The following IL1RAPL1 variants were observed in gnomAD, a reference collection of about 807,000 sequenced individuals.
The protein encoded by IL1RAPL1 is interleukin-1 receptor accessory protein-like 1.
A neutral mutation model predicts 48.4 loss-of-function variants in IL1RAPL1; 3 were observed. The ratio of observed to expected loss-of-function variants is 0.06; its 90% CI spans 0.03 to 0.16. IL1RAPL1 has a LOEUF of 0.16. Among genes scored for constraint, IL1RAPL1 ranks in the 10% least tolerant of loss-of-function variants. The pLI is 1.00. For missense variants in IL1RAPL1, 349 were observed against 530.6 expected (o/e 0.66, Z 3.36); for synonymous variants, 185 against 187.7 (o/e 0.99, Z 0.12).
rs1038074667 is a variant in IL1RAPL1, at chrX:28,741,946, G to T, written c.-24-47374G>T. Among the ~76,000 whole-genome samples the T allele has an allele frequency of 2.7e-5, 3 of 111,238 alleles. No homozygotes were observed. The Admixed American group carries it at 2.9e-4, about 11-fold the overall frequency. On this transcript the variant is annotated intron_variant, in intron 1 of 10. Transcript: ENST00000378993. ...TTTATATTTTTACTTCTTAAGCAGG[G>T]GATTTATATTTTTTGTTTCAAACTA... is the stretch of plus-strand genomic sequence containing the variant.
At chrX:29,614,472 G>A (rs745728192) in intron 5 of IL1RAPL1, among the ~76,000 whole-genome samples, 145 of 112,620 alleles carry the variant, frequency 1.3e-3, no homozygotes, top group Non-Finnish European at 2.2e-3. Context: ...ATAAAATGCT[G>A]TAAACTAACT....
At chrX:28,924,640 A>G in intron 2 of IL1RAPL1, among the ~76,000 whole-genome samples, 1 of 111,663 alleles carries the variant, frequency 9.0e-6, no homozygotes, top group East Asian at 2.8e-4. Context: ...TTCAAAGAAT[A>G]CATGCCGAAA....
intron 2 of IL1RAPL1, among the ~76,000 whole-genome samples, chrX:29,230,126 A>G (rs1185219818): frequency 8.9e-6 from 1 of 111,826 alleles, no homozygotes; most frequent in African/African-American, 3.3e-5. Context: ...GTTATTGGCT[A>G]TAATGTCTTT....
chrX:29,056,419 T>A (rs1203128772), intron 2 of IL1RAPL1, among the ~76,000 whole-genome samples: 2 of 111,589 alleles, frequency 1.8e-5, no homozygotes, highest in African/African-American at 6.5e-5. Flanking sequence ...ACCACAACAC[T>A]TCACATCAAT....
At chrX:29,916,938 A>G (rs1006356200) in intron 6 of IL1RAPL1, among the ~76,000 whole-genome samples, 4 of 111,955 alleles carry the variant, frequency 3.6e-5, no homozygotes, top group African/African-American at 9.7e-5. Context: ...TTTAATTCGA[A>G]TGTTATTCTC....
chrX:29,690,724 TTTAA>T (rs1926750003), intron 6 of IL1RAPL1, among the ~76,000 whole-genome samples: 1 of 112,352 alleles, frequency 8.9e-6, no homozygotes, highest in African/African-American at 3.2e-5. Context: ...TAAAATTTAC[TTTAA>T]TTGTTTTTAA....
intron 2 of IL1RAPL1, among the ~76,000 whole-genome samples, chrX:29,105,879 A>G (rs928927880): frequency 2.7e-5 from 3 of 111,664 alleles, no homozygotes; most frequent in Non-Finnish European, 5.6e-5. Context: ...GGGATCTTTC[A>G]CTTTCCACAC....
chrX:29,449,167 G>A (rs1198530769), intron 5 of IL1RAPL1, among the ~76,000 whole-genome samples: 3 of 111,689 alleles, frequency 2.7e-5, no homozygotes, highest in Non-Finnish European at 5.7e-5. Flanking sequence ...AGGAAACCGC[G>A]ATAGAGATAG....
rs1200903539 is a variant in IL1RAPL1 at position 29,917,558 on chromosome X, A to C, written c.873A>C (p.Glu291Asp). 8.3e-7 allele frequency: 1 copy of C among 1,209,017 alleles called. No homozygotes were observed. The highest frequency in any genetic ancestry group is 2.2e-5 in the Admixed American group (1 of 46,019). ...GGATGAAAGGAGAAAAATTTATTGA[A>C]GATCTGGATGAAAATCGAGTTTGGG... is the stretch of plus-strand genomic sequence containing the variant. ...IYWMKGEKFIEDLDENRVWES... is the reference protein window; with the variant it reads ...IYWMKGEKFIDDLDENRVWES... The change falls in exon 7 of 11, where the codon GAA becomes GAC. Residue 291 changes from glutamate (E) to aspartate (D), a missense_variant. Glu to Asp is a conservative substitution (Grantham distance 45). Transcript: ENST00000378993.
At chrX:28,905,609 T>C (rs746856485) in intron 2 of IL1RAPL1, among the ~76,000 whole-genome samples, 10 of 112,252 alleles carry the variant, frequency 8.9e-5, no homozygotes, top group Non-Finnish European at 1.5e-4. Context: ...TGAATTTGTA[T>C]TTCTTTAATA....
At chrX:29,494,594 T>C (rs1279085007) in intron 5 of IL1RAPL1, among the ~76,000 whole-genome samples, 3 of 112,216 alleles carry the variant, frequency 2.7e-5, no homozygotes, top group Admixed American at 9.4e-5. Flanking sequence ...CCGTTATGTG[T>C]GACAATTCCC....
chrX:28,961,973 T>C (rs1924790569), intron 2 of IL1RAPL1, among the ~76,000 whole-genome samples: 1 of 111,978 alleles, frequency 8.9e-6, no homozygotes, highest in Admixed American at 9.5e-5. Context: ...AATCTTATGT[T>C]TCTTATATAA....
At chrX:28,992,489 C>CAAAAAAAAAAAAAAAAAAAAA (rs1246127181) in intron 2 of IL1RAPL1, among the ~76,000 whole-genome samples, 1 of 16,522 alleles carries the variant, frequency 6.1e-5, no homozygotes, top group Non-Finnish European at 1.2e-4. Flanking sequence ...GACTCTGTCT[C>CAAAAAAAAAAAAAAAAAAAAA]AAAAAAAAAA....
At chrX:29,206,790 T>TA (rs1331233039) in intron 2 of IL1RAPL1, among the ~76,000 whole-genome samples, 1 of 111,338 alleles carries the variant, frequency 9.0e-6, no homozygotes, top group Non-Finnish European at 1.9e-5. Context: ...ACTGAAAAGA[T>TA]AAAAAAATGT....
chrX:29,887,309 T>C (rs1383701292), intron 6 of IL1RAPL1, among the ~76,000 whole-genome samples: 3 of 112,451 alleles, frequency 2.7e-5, no homozygotes, highest in South Asian at 7.3e-4. Flanking sequence ...GTATAGAACA[T>C]TTAACGTTAA....
At chrX:29,646,137 T>A (rs1460954582) in intron 5 of IL1RAPL1, among the ~76,000 whole-genome samples, 6 of 111,072 alleles carry the variant, frequency 5.4e-5, no homozygotes, top group Non-Finnish European at 7.6e-5. Context: ...TAACAGAAAA[T>A]TCAAAATACC....
chrX:29,776,907 C>T (rs1307631440), intron 6 of IL1RAPL1, among the ~76,000 whole-genome samples: 1 of 111,868 alleles, frequency 8.9e-6, no homozygotes, highest in Non-Finnish European at 1.9e-5. Context: ...ATATAATTCA[C>T]CAATTCAACA....
chrX:29,040,504 T>C (rs1926823721), intron 2 of IL1RAPL1, among the ~76,000 whole-genome samples: 1 of 112,068 alleles, frequency 8.9e-6, no homozygotes, highest in African/African-American at 3.2e-5. Flanking sequence ...CCACATTGTG[T>C]AGCCAGGGTT....
chrX:29,648,630 G>A (rs1174630704), intron 5 of IL1RAPL1, among the ~76,000 whole-genome samples: 1 of 111,489 alleles, frequency 9.0e-6, no homozygotes, highest in Non-Finnish European at 1.9e-5. Context: ...ATGAGATATA[G>A]CAAAAGGAGT....
Sources: gnomAD v4.1 joint callset for allele counts (sites outside exome capture counted in the v4.1 genomes callset) on GRCh38, gnomAD v4.1.1 for gene constraint, MANE v1.5 for transcripts, NCBI Gene and HGNC (gene_info 2026-07-23, HGNC 2026-07-21) for gene names.